VPS37A: variants seen among roughly 807,000 people sequenced by gnomAD.
VPS37A encodes vacuolar protein sorting-associated protein 37A.
VPS37A carries 30 observed loss-of-function variants against 49.8 expected under a neutral mutation model. That is an observed-to-expected ratio of 0.60 (90% CI 0.45 to 0.82). The LOEUF (loss-of-function observed/expected upper bound fraction) is 0.82. VPS37A is among the 40% of genes least tolerant of loss of function. The pLI is 0.00. For synonymous variants in VPS37A, 195 were observed against 160.6 expected (o/e 1.21, Z -1.62); for missense variants, 593 against 464.4 (o/e 1.28, Z -2.55).
chr8:17,328,823 C>T, the VPS37A span, among the ~76,000 whole-genome samples: 2 of 152,314 alleles, frequency 1.3e-5, no homozygotes, highest in Admixed American at 1.3e-4. Context: ...CATTAAATAA[C>T]AAAATTGCTT....
chr8:17,294,066 C>G (rs1816387156), intron 11 of VPS37A, among the ~76,000 whole-genome samples: 1 of 152,236 alleles, frequency 6.6e-6, no homozygotes, highest in South Asian at 2.1e-4. Context: ...ACCCCTTCCC[C>G]CAGGTGCTCT....
chr8:17,330,211 G>GCAAA, the VPS37A span, among the ~76,000 whole-genome samples: 1 of 152,238 alleles, frequency 6.6e-6, no homozygotes, highest in Non-Finnish European at 1.5e-5. Context: ...GTAACTGAGA[G>GCAAA]CAAACGTGGA....
chr8:17,323,866 G>A, the VPS37A span, among the ~76,000 whole-genome samples: 1 of 152,126 alleles, frequency 6.6e-6, no homozygotes, highest in African/African-American at 2.4e-5. Flanking sequence ...TCATTTTGAA[G>A]CTCTCCTAGT....
chr8:17,247,600 C>A, intron 1 of VPS37A: 2 of 711,038 alleles, frequency 2.8e-6, no homozygotes, highest in Non-Finnish European at 2.5e-6. Flanking sequence ...ACTCGGATTT[C>A]CTCATCCCTC....
At chr8:17,258,310 A>G (rs1165801672) in intron 1 of VPS37A, among the ~76,000 whole-genome samples, 1 of 152,186 alleles carries the variant, frequency 6.6e-6, no homozygotes, top group East Asian at 1.9e-4. Context: ...TATTATTTTG[A>G]TGTATATTCC....
the VPS37A span, among the ~76,000 whole-genome samples, chr8:17,332,213 T>C: frequency 1.4e-5 from 2 of 141,318 alleles, no homozygotes; most frequent in Non-Finnish European, 3.0e-5. Flanking sequence ...CACTGAGAAC[T>C]CACCACCAGA....
the VPS37A span, among the ~76,000 whole-genome samples, chr8:17,308,083 T>A: frequency 2.0e-5 from 3 of 152,000 alleles, no homozygotes; most frequent in Non-Finnish European, 4.4e-5. Context: ...AAAAAAATAA[T>A]TGCATTATGG....
chr8:17,271,851 C>A (rs1814022904), intron 4 of VPS37A: 1 of 396,190 alleles, frequency 2.5e-6, no homozygotes, highest in Admixed American at 3.0e-5. Context: ...TGGGTTTGAA[C>A]TTTGCTTTTA....
chr8:17,248,167 GCTT>G (rs1811541883), intron 1 of VPS37A: 1 of 367,374 alleles, frequency 2.7e-6, no homozygotes, highest in East Asian at 7.3e-5. Flanking sequence ...AATTAGAACT[GCTT>G]CTTTATATTT....
At chr8:17,326,211 AG>A in the VPS37A span, 10 of 152,328 alleles carry the variant, frequency 6.6e-5, no homozygotes, top group African/African-American at 2.4e-4. Flanking sequence ...CACAGTAAGT[AG>A]GTAAAAATGG....
chr8:17,246,976 C>G lies in VPS37A; in HGVS notation c.-269C>G, dbSNP rs371085361. 59 of 480,334 alleles carry G rather than the reference C, an allele frequency of 1.2e-4. 1 individual carries two copies. Among genetic ancestry groups the G allele is most frequent in the African/African-American group, 1.1e-3 (53 of 48,754 alleles). The allele number at this position is 480,334 out of a possible 1,614,324, so 29.8% of individuals were successfully genotyped here. A position where few individuals can be genotyped will look rare whatever the true frequency, so the allele number is the denominator to read the frequency against. On this transcript the variant is annotated 5_prime_UTR_variant, in exon 1 of 12. Transcript: ENST00000324849. ...GTGGAGCGCTGGGCGGCCAGGCTCC[C>G]TGGCTGGCCGGTTTGGGCGTCTGGG...
rs555104499 is a variant in VPS37A, at chr8:17,248,087, C to A, written c.125+718C>A. On this transcript the variant is annotated intron_variant, in intron 1 of 11. Coordinates refer to ENST00000324849, the MANE Select transcript of VPS37A (RefSeq NM_152415.3). ...ATTTTTACAATTCATATTATTTCAACTTTTACTGTAAATTGGTTTGCTGCA... is the reference window on the plus strand; with the variant it reads ...ATTTTTACAATTCATATTATTTCAAATTTTACTGTAAATTGGTTTGCTGCA... 169 of 379,692 alleles carry A rather than the reference C, an allele frequency of 4.5e-4. 1 individual carries two copies. Among genetic ancestry groups the A allele is most frequent in the African/African-American group, 3.2e-3 (152 of 47,952 alleles). 23.5% of individuals were successfully genotyped at this position (379,692 alleles called of 1,614,324 possible).
chr8:17,273,023 CT>C (rs1166192119), intron 4 of VPS37A, among the ~76,000 whole-genome samples: 1,125 of 43,848 alleles, frequency 0.026, 14 homozygotes, highest in South Asian at 0.1. Flanking sequence ...TTTGCCCTTC[CT>C]TTTTTTTTTT....
intron 11 of VPS37A, among the ~76,000 whole-genome samples, chr8:17,291,420 G>A (rs1816139262): frequency 1.3e-5 from 2 of 148,278 alleles, no homozygotes; most frequent in Admixed American, 1.3e-4. Context: ...AACAGCTGCT[G>A]GATTCATTGA....
At chr8:17,249,601 G>A (rs1013983274) in intron 1 of VPS37A, among the ~76,000 whole-genome samples, 3 of 152,164 alleles carry the variant, frequency 2.0e-5, no homozygotes, top group African/African-American at 7.2e-5. Flanking sequence ...CCTGGAAAAT[G>A]CCACTCACCT....
chr8:17,262,594 T>C (rs1813058552), intron 1 of VPS37A, among the ~76,000 whole-genome samples: 1 of 152,022 alleles, frequency 6.6e-6, no homozygotes, highest in Non-Finnish European at 1.5e-5. Context: ...TGTGTGTGTG[T>C]GTGTGTATTT....
intron 1 of VPS37A, among the ~76,000 whole-genome samples, chr8:17,263,596 T>G (rs1813165222): frequency 6.6e-6 from 1 of 152,196 alleles, no homozygotes; most frequent in Non-Finnish European, 1.5e-5. Flanking sequence ...AACCAATTAT[T>G]TAGATAAAAA....
intron 1 of VPS37A, among the ~76,000 whole-genome samples, chr8:17,250,935 A>T (rs1215210939): frequency 6.6e-6 from 1 of 152,174 alleles, no homozygotes; most frequent in Non-Finnish European, 1.5e-5. Flanking sequence ...GGGCTCAAGT[A>T]ATATGTTCTC....
chr8:17,258,566 A>G (rs1183224083), intron 1 of VPS37A, among the ~76,000 whole-genome samples: 2 of 151,952 alleles, frequency 1.3e-5, no homozygotes, highest in African/African-American at 2.4e-5. Context: ...GGAGTTTTGT[A>G]TGTATGTTAA....
Sources: gnomAD v4.1 joint callset for allele counts (sites outside exome capture counted in the v4.1 genomes callset) on GRCh38, gnomAD v4.1.1 for gene constraint, MANE v1.5 for transcripts, NCBI Gene and HGNC (gene_info 2026-07-23, HGNC 2026-07-21) for gene names.